DNAJC15: variants seen among roughly 807,000 people sequenced by gnomAD.
DNAJC15 encodes DnaJ heat shock protein family (Hsp40) member C15, also known as dnaJ homolog subfamily C member 15.
A neutral mutation model predicts 22.4 loss-of-function variants in DNAJC15; 27 were observed. That is an observed-to-expected ratio of 1.20 (90% CI 0.89 to 1.66). DNAJC15 has a LOEUF of 1.66. Among genes scored for constraint, DNAJC15 ranks in the 40% most tolerant of loss-of-function variants. The probability of loss-of-function intolerance (pLI) is 0.00; values close to 1 mark genes in which losing one functional copy is unlikely to be tolerated. For missense variants in DNAJC15, 208 were observed against 187.1 expected, an observed-to-expected ratio of 1.11 and a Z score of -0.65; for synonymous variants, 79 against 63.2, an observed-to-expected ratio of 1.25 and a Z score of -1.19.
At chr13:43,049,369 G>T (rs1230015346) in intron 1 of DNAJC15, among the ~76,000 whole-genome samples, 1 of 152,168 alleles carries the variant, frequency 6.6e-6, no homozygotes, top group Admixed American at 6.5e-5. Flanking sequence ...TTTACAACTG[G>T]ATCAGATATG....
rs947476758 is a variant in DNAJC15 at position 43,112,495 on chromosome 13, A to T, written c.*5247A>T. ...AGTGGCAAACTTCAATTATGACAGG[A>T]TAAAAATCACATAGAGATATTGGTT... On this transcript the variant is annotated 3_prime_UTR_variant, in exon 6 of 6. Coordinates refer to ENST00000379221, the MANE Select transcript of DNAJC15 (RefSeq NM_013238.3). 4 of 152,234 alleles carry T rather than the reference A, an allele frequency of 2.6e-5. No individual in the cohort carries two copies. In the East Asian group the frequency reaches 7.7e-4, roughly 29 times the overall value. 9.4% of individuals were successfully genotyped at this position (152,234 alleles called of 1,614,324 possible). A position where few individuals can be genotyped will look rare whatever the true frequency, so the allele number is the denominator to read the frequency against.
rs367818103 is a variant in DNAJC15, at chr13:43,111,104, T to C, written c.*3856T>C. 1 of 152,226 alleles carries C rather than the reference T, an allele frequency of 6.6e-6. No individual in the cohort carries two copies. Among genetic ancestry groups the C allele is most frequent in the Non-Finnish European group, 1.5e-5 (1 of 68,044 alleles). The allele number at this position is 152,226 out of a possible 1,614,324, so 9.4% of individuals were successfully genotyped here. On this transcript the variant is annotated 3_prime_UTR_variant, in exon 6 of 6. Coordinates refer to ENST00000379221, the MANE Select transcript of DNAJC15 (RefSeq NM_013238.3). ...GGAACATAGAAAGCTATTTAGATTT[T>C]AGTTGATGGTGCCAGTCTTCAGCGT...
At chr13:43,066,187 A>C (rs1420735569) in intron 2 of DNAJC15, among the ~76,000 whole-genome samples, 1 of 152,142 alleles carries the variant, frequency 6.6e-6, no homozygotes, top group Non-Finnish European at 1.5e-5. Context: ...TGGTATAATT[A>C]CCTTGATAAA....
Position 43,107,303 on chromosome 13 carries a change from AGCCCTG to A in DNAJC15, c.*56_*61del. The A allele has an allele frequency of 2.1e-6, 3 of 1,422,688 alleles. No individual in the cohort carries two copies. Among genetic ancestry groups the A allele is most frequent in the Non-Finnish European group, 2.8e-6 (3 of 1,067,214 alleles). 88.1% of individuals were successfully genotyped at this position (1,422,688 alleles called of 1,614,324 possible). On this transcript the variant is annotated 3_prime_UTR_variant, in exon 6 of 6. Transcript: ENST00000379221. ...AAGAGGGGACTTCGAAAAAAAAAAA[AGCCCTG>A]CAAAATATTCTAAAACATGGTCTTC...
intron 1 of DNAJC15, among the ~76,000 whole-genome samples, chr13:43,024,705 A>G (rs1445606471): frequency 6.6e-6 from 1 of 151,726 alleles, no homozygotes; most frequent in Non-Finnish European, 1.5e-5. Flanking sequence ...GTTTGATTTT[A>G]ACCATGTATT....
intron 5 of DNAJC15, among the ~76,000 whole-genome samples, chr13:43,103,699 C>G (rs2040782118): frequency 6.6e-6 from 1 of 152,152 alleles, no homozygotes; most frequent in Non-Finnish European, 1.5e-5. Context: ...CTTACTCTTT[C>G]ATTTTGTCTA....
At chr13:43,081,997 G>A (rs1345175249) in intron 4 of DNAJC15, among the ~76,000 whole-genome samples, 1 of 151,950 alleles carries the variant, frequency 6.6e-6, no homozygotes, top group African/African-American at 2.4e-5. Flanking sequence ...AAAACCATCA[G>A]ATCTCATGAG....
chr13:43,051,551 G>A (rs564850069), intron 1 of DNAJC15, among the ~76,000 whole-genome samples: 5 of 152,040 alleles, frequency 3.3e-5, no homozygotes, highest in East Asian at 1.9e-4. Context: ...GAGTTACTTC[G>A]CTTAGAATAA....
chr13:43,074,553 T>C (rs1372748300), intron 3 of DNAJC15, among the ~76,000 whole-genome samples: 1 of 152,196 alleles, frequency 6.6e-6, no homozygotes, highest in Admixed American at 6.5e-5. Flanking sequence ...CTGCAGTGGC[T>C]TATACCTGTA....
At chr13:43,026,906 G>A (rs775977675) in intron 1 of DNAJC15, among the ~76,000 whole-genome samples, 14 of 152,156 alleles carry the variant, frequency 9.2e-5, no homozygotes, top group African/African-American at 1.7e-4. Flanking sequence ...AATATATCTT[G>A]TCATATTTGT....
At chr13:43,041,715 CTA>C (rs1159221551) in intron 1 of DNAJC15, among the ~76,000 whole-genome samples, 1 of 152,234 alleles carries the variant, frequency 6.6e-6, no homozygotes, top group Non-Finnish European at 1.5e-5. Context: ...AAGAAGCAAT[CTA>C]TGATTCAGAA....
At chr13:43,032,716 T>A (rs1468097827) in intron 1 of DNAJC15, among the ~76,000 whole-genome samples, 1 of 152,050 alleles carries the variant, frequency 6.6e-6, no homozygotes, top group Non-Finnish European at 1.5e-5. Flanking sequence ...TCCCAGCTAC[T>A]CGGGAGGCTG....
At chr13:43,050,340 T>C (rs909700121) in intron 1 of DNAJC15, among the ~76,000 whole-genome samples, 9 of 152,092 alleles carry the variant, frequency 5.9e-5, no homozygotes, top group African/African-American at 2.2e-4. Flanking sequence ...AGGGTCTCAC[T>C]CTGTCACCAA....
intron 1 of DNAJC15, among the ~76,000 whole-genome samples, chr13:43,035,937 G>C (rs2040426909): frequency 6.6e-6 from 1 of 151,872 alleles, no homozygotes; most frequent in Non-Finnish European, 1.5e-5. Context: ...ATGTTGCCGA[G>C]GCTGGTCTTG....
intron 1 of DNAJC15, among the ~76,000 whole-genome samples, chr13:43,059,007 C>G (rs371568003): frequency 2.0e-5 from 3 of 152,250 alleles, no homozygotes. Context: ...CTGCTGCTTT[C>G]AAAGGGTCTG....
chr13:43,078,491 C>A, intron 3 of DNAJC15, 121 bp from the exon 4 acceptor site: 1 of 647,214 alleles, frequency 1.5e-6, no homozygotes, highest in Non-Finnish European at 2.5e-6. Context: ...CCCCCCGCCC[C>A]ATAATTTTGA....
intron 5 of DNAJC15, among the ~76,000 whole-genome samples, chr13:43,094,982 T>C (rs549421642): frequency 2.0e-5 from 3 of 152,236 alleles, no homozygotes; most frequent in African/African-American, 7.2e-5. Flanking sequence ...CCTGTAACAC[T>C]AATTCAACAG....
At chr13:43,081,696 C>CA (rs2040662758) in intron 4 of DNAJC15, among the ~76,000 whole-genome samples, 1 of 152,176 alleles carries the variant, frequency 6.6e-6, no homozygotes, top group South Asian at 2.1e-4. Context: ...CTCAGCCTCT[C>CA]AAAGTGCTGG....
intron 1 of DNAJC15, among the ~76,000 whole-genome samples, chr13:43,025,275 C>A (rs7322198): frequency 6.6e-6 from 1 of 151,878 alleles, no homozygotes; most frequent in African/African-American, 2.4e-5. Flanking sequence ...TGTGGAGAGT[C>A]GTAAAAATCC....
Sources: allele counts gnomAD v4.1 joint callset (sites outside exome capture counted in the v4.1 genomes callset), GRCh38; gene constraint gnomAD v4.1.1; transcripts MANE v1.5; gene names NCBI Gene and HGNC (gene_info 2026-07-23, HGNC 2026-07-21).